Variants in KYNU observed in about 807,000 individuals in gnomAD.
KYNU encodes the protein kynureninase.
In KYNU, 54 loss-of-function variants were observed where a neutral mutation model predicts 59.2. That is an observed-to-expected ratio of 0.91 (90% CI 0.73 to 1.14). KYNU has a LOEUF of 1.14. Ranked by LOEUF, KYNU falls within the 50% of genes most tolerant of loss-of-function variation. The pLI, the probability that KYNU is intolerant of heterozygous loss-of-function variation, is 0.00. For missense variants in KYNU, 567 were observed against 554.4 expected, an observed-to-expected ratio of 1.02 and a Z score of -0.23; for synonymous variants, 177 against 192.0, an observed-to-expected ratio of 0.92 and a Z score of 0.65.
At chr2:143,014,464 A>G (rs747903035) in intron 10 of KYNU, among the ~76,000 whole-genome samples, 1 of 152,322 alleles carries the variant, frequency 6.6e-6, no homozygotes, top group East Asian at 1.9e-4. Context: ...CATAAATTTT[A>G]TGCTGGGCTA....
In KYNU at chr2:143,046,486, A is replaced by C. The variant is rs1687166156; in HGVS notation, c.*4314A>C. On this transcript the variant is annotated 3_prime_UTR_variant, in exon 14 of 14. Coordinates refer to ENST00000264170, the MANE Select transcript of KYNU (RefSeq NM_003937.3). ...TGATGTGAGGTGGTGATTCTATTTC[A>C]TTTTTTCCCATATAGATAATTTATA... The C allele has an allele frequency of 6.6e-6, 1 of 151,316 alleles. No individual in the cohort carries two copies. Among genetic ancestry groups the C allele is most frequent in the Admixed American group, 6.6e-5 (1 of 15,174 alleles). 9.4% of individuals were successfully genotyped at this position (151,316 alleles called of 1,614,324 possible).
intron 4 of KYNU, among the ~76,000 whole-genome samples, chr2:142,944,239 A>G (rs1312190859): frequency 6.6e-6 from 1 of 152,232 alleles, no homozygotes; most frequent in East Asian, 1.9e-4. Flanking sequence ...GTTGCTATGC[A>G]TGCTGAAATA....
rs1360602335 is a variant in KYNU, at chr2:143,040,512, T to C, written c.1126T>C (p.Tyr376His). The C allele has an allele frequency of 1.9e-6, 3 of 1,613,316 alleles. No homozygotes were observed. The highest frequency in any genetic ancestry group is 2.5e-6 in the Non-Finnish European group (3 of 1,179,510). The change falls in exon 13 of 14, where the codon TAT becomes CAT. Residue 376 changes from tyrosine (Y) to histidine (H), a missense_variant. By Grantham distance (83) the Tyr-to-His change is moderately conservative. Transcript: ENST00000264170. The part of the protein sequence containing the change: ...GYLEYLIKHN[Y>H]GKDKAATKKP... Reference sequence around the variant, plus strand: ...TCTGGAATACCTGATCAAGCATAACTATGGCAAAGATAAAGCAGCAACCAA... The same window carrying C: ...TCTGGAATACCTGATCAAGCATAACCATGGCAAAGATAAAGCAGCAACCAA...
intron 3 of KYNU, among the ~76,000 whole-genome samples, chr2:142,923,147 A>C (rs1367494949): frequency 6.6e-6 from 1 of 152,220 alleles, no homozygotes; most frequent in Non-Finnish European, 1.5e-5. Flanking sequence ...TTTTAACATA[A>C]GAATTTGAAG....
chr2:143,036,894 T>G (rs1686907947), intron 12 of KYNU, among the ~76,000 whole-genome samples: 3 of 152,324 alleles, frequency 2.0e-5, no homozygotes, highest in South Asian at 2.1e-4. Flanking sequence ...TTGTCTCTAC[T>G]TTTAAGAAAT....
chr2:142,911,106 A>G (rs1018177272), intron 2 of KYNU, among the ~76,000 whole-genome samples: 1 of 152,208 alleles, frequency 6.6e-6, no homozygotes, highest in Non-Finnish European at 1.5e-5. Flanking sequence ...GAGAAATGAC[A>G]TAGGTAGTTT....
intron 10 of KYNU, among the ~76,000 whole-genome samples, chr2:143,002,047 A>G (rs1378961922): frequency 6.6e-6 from 1 of 152,220 alleles, no homozygotes; most frequent in Non-Finnish European, 1.5e-5. Context: ...TAATAGATCC[A>G]CAGGTAATGG....
intron 2 of KYNU, among the ~76,000 whole-genome samples, chr2:142,890,514 G>T (rs1284811411): frequency 1.3e-5 from 2 of 152,168 alleles, no homozygotes; most frequent in Admixed American, 1.3e-4. Flanking sequence ...GTCTTGCTCT[G>T]TCACCCAGGC....
At chr2:143,024,415 T>A (rs1382237180) in intron 10 of KYNU, among the ~76,000 whole-genome samples, 1 of 152,080 alleles carries the variant, frequency 6.6e-6, no homozygotes, top group East Asian at 1.9e-4. Flanking sequence ...CTGACTTAAG[T>A]TCTTTTTCCA....
At position 143,025,431 on chromosome 2, in the gene KYNU, AT is replaced by A. The variant is rs1295093003; in HGVS notation, c.903-4191del. On this transcript the variant is annotated intron_variant, in intron 10 of 13. Transcript: ENST00000264170. ...GAGAAAGGATACAGTAGCCCTTCAG[AT>A]TTTTCATTTGCTCACTACTTCCATC... is the stretch of plus-strand genomic sequence containing the variant. 6.6e-5 allele frequency among the ~76,000 whole-genome samples: 10 copies of A among 151,922 alleles called. No homozygotes were observed. The East Asian group carries it at 1.9e-3, about 29-fold the overall frequency.
intron 8 of KYNU, among the ~76,000 whole-genome samples, chr2:142,984,402 A>G (rs1357529403): frequency 1.3e-4 from 19 of 152,000 alleles, no homozygotes; most frequent in Admixed American, 1.2e-3. Context: ...CAAATATTAT[A>G]AGTTGTTTTA....
At chr2:143,006,444 G>C (rs1008328559) in intron 10 of KYNU, among the ~76,000 whole-genome samples, 3 of 149,982 alleles carry the variant, frequency 2.0e-5, no homozygotes, top group African/African-American at 7.4e-5. Flanking sequence ...ACAGCAGTCT[G>C]AGATCAAACT....
intron 2 of KYNU, among the ~76,000 whole-genome samples, chr2:142,912,245 G>A (rs767344488): frequency 6.6e-6 from 1 of 151,952 alleles, no homozygotes; most frequent in Non-Finnish European, 1.5e-5. Context: ...AATGTTCAGG[G>A]TCTTAGTTTC....
intron 2 of KYNU, among the ~76,000 whole-genome samples, chr2:142,889,903 G>A (rs1681655399): frequency 6.6e-6 from 1 of 151,628 alleles, no homozygotes; most frequent in African/African-American, 2.4e-5. Flanking sequence ...CTTGAAGAAA[G>A]TCTACAGGCA....
At chr2:142,980,005 A>G (rs1027428935) in intron 8 of KYNU, among the ~76,000 whole-genome samples, 2 of 152,078 alleles carry the variant, frequency 1.3e-5, no homozygotes, top group Non-Finnish European at 2.9e-5. Context: ...TTTTATGGTT[A>G]TTATATTTCT....
intron 2 of KYNU, among the ~76,000 whole-genome samples, chr2:142,908,913 T>C (rs972124712): frequency 6.6e-6 from 1 of 152,300 alleles, no homozygotes; most frequent in East Asian, 1.9e-4. Context: ...GGATTACAGG[T>C]GTGAGACACC....
At chr2:143,007,263 GA>G (rs1201593055) in intron 10 of KYNU, among the ~76,000 whole-genome samples, 1 of 149,606 alleles carries the variant, frequency 6.7e-6, no homozygotes, top group African/African-American at 2.6e-5. Context: ...GAAGAATGCA[GA>G]AGCCTCAGGA....
chr2:142,933,309 T>G (rs557997688), intron 4 of KYNU, among the ~76,000 whole-genome samples: 1 of 152,114 alleles, frequency 6.6e-6, no homozygotes, highest in South Asian at 2.1e-4. Flanking sequence ...AAAGGTTTGG[T>G]GAGGTCTGGG....
intron 10 of KYNU, among the ~76,000 whole-genome samples, chr2:143,025,043 T>G (rs1262695440): frequency 6.6e-6 from 1 of 152,090 alleles, no homozygotes; most frequent in Non-Finnish European, 1.5e-5. Context: ...TTCTTTTATG[T>G]GTTTTGTTTT....
Sources: allele counts gnomAD v4.1 joint callset (sites outside exome capture counted in the v4.1 genomes callset), GRCh38; gene constraint gnomAD v4.1.1; transcripts MANE v1.5; gene names NCBI Gene and HGNC (gene_info 2026-07-23, HGNC 2026-07-21).